Variants in SLC47A1 observed in about 807,000 individuals in gnomAD.
The protein encoded by SLC47A1 is multidrug and toxin extrusion protein 1.
Under a neutral mutation model 65.8 loss-of-function variants are expected in SLC47A1, and 58 were observed. The ratio of observed to expected loss-of-function variants is 0.88; its 90% CI spans 0.71 to 1.10. SLC47A1 has a LOEUF of 1.10. Ranked by LOEUF, SLC47A1 falls within the 50% of genes least tolerant of loss-of-function variation. SLC47A1 has a pLI of 0.00. For synonymous variants in SLC47A1, 285 were observed against 295.0 expected, an observed-to-expected ratio of 0.97 and a Z score of 0.35; for missense variants, 706 against 719.2, an observed-to-expected ratio of 0.98 and a Z score of 0.21.
chr17:19,540,468 C>T (rs1196617831), intron 1 of SLC47A1, among the ~76,000 whole-genome samples: 1 of 152,138 alleles, frequency 6.6e-6, no homozygotes, highest in Non-Finnish European at 1.5e-5. Context: ...ACCCTGTGGC[C>T]TTTAAAGATA....
At chr17:19,572,087 G>T (rs1305344028) in intron 15 of SLC47A1, among the ~76,000 whole-genome samples, 1 of 152,158 alleles carries the variant, frequency 6.6e-6, no homozygotes, top group South Asian at 2.1e-4. Flanking sequence ...CCTAGAGTTC[G>T]AGGCTGCAGT....
Position 19,533,869 on chromosome 17 carries a change from G to A in SLC47A1, c.-71G>A, listed in dbSNP as rs1056566375. On this transcript the variant is annotated 5_prime_UTR_variant, in exon 1 of 17. Coordinates refer to ENST00000270570, the MANE Select transcript of SLC47A1 (RefSeq NM_018242.3). Reference sequence around the variant, plus strand: ...CGCGGTACCCACTGCCGGCCTGCGCGGTACTCACTGCCGGCCTCCGCGGTA... The same window carrying A: ...CGCGGTACCCACTGCCGGCCTGCGCAGTACTCACTGCCGGCCTCCGCGGTA... The A allele has an allele frequency of 2.9e-6, 4 of 1,361,726 alleles. No homozygotes were observed. The highest frequency in any genetic ancestry group is 3.8e-6 in the Non-Finnish European group (4 of 1,052,256). 84.4% of individuals were successfully genotyped at this position (1,361,726 alleles called of 1,614,324 possible).
In SLC47A1 at chr17:19,555,873, G is replaced by A; in HGVS notation, c.817G>A (p.Glu273Lys). Reference sequence around the variant, plus strand: ...CCCCAGCATGCTCATGCTGTGCATGGAGTGGTGGGCCTATGAGGTCGGGAG... The same window carrying A: ...CCCCAGCATGCTCATGCTGTGCATGAAGTGGTGGGCCTATGAGGTCGGGAG... ...AIPSMLMLCM[E>K]WWAYEVGSFL... The change falls in exon 9 of 17, where the codon GAG becomes AAG. Residue 273 changes from glutamate to lysine, a missense_variant. Glu to Lys is a moderately conservative substitution (Grantham distance 56). Coordinates refer to ENST00000270570, the MANE Select transcript of SLC47A1 (RefSeq NM_018242.3). The A allele has an allele frequency of 1.2e-6, 2 of 1,613,988 alleles. No homozygotes were observed. Among genetic ancestry groups the A allele is most frequent in the Admixed American group, 1.7e-5 (1 of 60,030 alleles).
intron 12 of SLC47A1, among the ~76,000 whole-genome samples, chr17:19,563,612 G>A (rs2084332605): frequency 1.3e-5 from 2 of 152,122 alleles, no homozygotes; most frequent in African/African-American, 4.8e-5. Context: ...GCCAAAATCT[G>A]ACAAAGTTTG....
At chr17:19,574,643 G>T (rs2084424803) in intron 16 of SLC47A1, among the ~76,000 whole-genome samples, 1 of 152,098 alleles carries the variant, frequency 6.6e-6, no homozygotes, top group African/African-American at 2.4e-5. Flanking sequence ...ACTTATCCCT[G>T]TTGTTGTTTT....
intron 7 of SLC47A1, 66 bp from the exon 8 acceptor site, chr17:19,555,527 C>T (rs1343567917): frequency 2.0e-6 from 3 of 1,523,034 alleles, no homozygotes; most frequent in Admixed American, 1.7e-5. Context: ...GTCTCCCCTC[C>T]TCACTGAGTT....
chr17:19,552,383 C>A (rs1188084854), intron 6 of SLC47A1, among the ~76,000 whole-genome samples: 3 of 152,148 alleles, frequency 2.0e-5, no homozygotes, highest in Non-Finnish European at 4.4e-5. Flanking sequence ...ATTTAGAATC[C>A]CGATTAGCAT....
At position 19,555,179 on chromosome 17, in the gene SLC47A1, T is replaced by A. The variant is rs373496096; in HGVS notation, c.544-33T>A. ...CAGAAAGGCAGTCCTATTCTGTGGA[T>A]CTCAAGGATGGCATGCGGTGTCCTT... is the stretch of plus-strand genomic sequence containing the variant. On this transcript the variant is annotated intron_variant, in intron 6 of 16. Coordinates refer to ENST00000270570, the MANE Select transcript of SLC47A1 (RefSeq NM_018242.3). The A allele has an allele frequency of 7.8e-4, 1,251 of 1,594,100 alleles. 4 individuals carry two copies. Among genetic ancestry groups the A allele is most frequent in the Non-Finnish European group, 7.4e-4 (863 of 1,161,742 alleles).
At chr17:19,550,156 C>G (rs1424100108) in intron 5 of SLC47A1, among the ~76,000 whole-genome samples, 1 of 152,162 alleles carries the variant, frequency 6.6e-6, no homozygotes, top group Non-Finnish European at 1.5e-5. Flanking sequence ...GGGTCTCATT[C>G]CATCACCCAG....
intron 6 of SLC47A1, among the ~76,000 whole-genome samples, chr17:19,553,058 T>C (rs1235084968): frequency 6.6e-6 from 1 of 152,074 alleles, no homozygotes; most frequent in Non-Finnish European, 1.5e-5. Context: ...GCAGGGGTTG[T>C]TGGGCCCCCA....
chr17:19,572,014 T>A (rs2084403356), intron 15 of SLC47A1, among the ~76,000 whole-genome samples: 1 of 152,110 alleles, frequency 6.6e-6, no homozygotes, highest in Non-Finnish European at 1.5e-5. Flanking sequence ...TGAGTCGAGG[T>A]ACAGTGGCTT....
At chr17:19,538,305 C>T (rs1209247917) in intron 1 of SLC47A1, among the ~76,000 whole-genome samples, 1 of 152,346 alleles carries the variant, frequency 6.6e-6, no homozygotes, top group African/African-American at 2.4e-5. Context: ...ACCCAAAAAA[C>T]GCTGGCAACA....
At chr17:19,560,891 A>G (rs889428587) in intron 12 of SLC47A1, among the ~76,000 whole-genome samples, 3 of 151,376 alleles carry the variant, frequency 2.0e-5, no homozygotes, top group Non-Finnish European at 2.9e-5. Context: ...AAAAAAAAAA[A>G]AAAAGAAAGA....
In SLC47A1 at chr17:19,560,208, G is replaced by A; in HGVS notation, c.942G>A (p.Val314=). The change falls in exon 11 of 17, where the codon GTG becomes GTA. Residue 314 remains valine, a synonymous_variant. Coordinates refer to ENST00000270570, the MANE Select transcript of SLC47A1 (RefSeq NM_018242.3). ...TTTAGGTCCCTGCAGGCTTCAGTGT[G>A]GCTGCCAGTGTCCGGGTAGGAAACG... ...IVYMVPAGFS[V]AASVRVGNAL... 6.2e-7 allele frequency: 1 copy of A among 1,612,824 alleles called. No individual in the cohort carries two copies.
intron 12 of SLC47A1, among the ~76,000 whole-genome samples, chr17:19,565,659 C>T (rs1005328015): frequency 1.4e-5 from 2 of 147,858 alleles, no homozygotes; most frequent in African/African-American, 5.1e-5. Flanking sequence ...CAGCTCACTG[C>T]GAGCTCTGCC....
At chr17:19,541,549 C>G (rs1358861185) in intron 1 of SLC47A1, among the ~76,000 whole-genome samples, 1 of 152,166 alleles carries the variant, frequency 6.6e-6, no homozygotes, top group Admixed American at 6.5e-5. Flanking sequence ...AATTTGCCCT[C>G]ACATCTGAGG....
intron 10 of SLC47A1, chr17:19,557,897 CA>C (rs67441443): frequency 0.23 from 32,246 of 142,266 alleles, 3,435 homozygotes; most frequent in East Asian, 0.39. Flanking sequence ...ACTTTCCCTC[CA>C]AAAAAAAAAA....
chr17:19,555,892 T>A lies in SLC47A1; in HGVS notation c.836T>A (p.Val279Asp), dbSNP rs141572615. The A allele has an allele frequency of 1.6e-3, 2,610 of 1,613,886 alleles. 7 individuals carry two copies. The highest frequency in any genetic ancestry group is 2.1e-3 in the Non-Finnish European group (2,434 of 1,179,982). Reference protein sequence around the residue: ...MLCMEWWAYEVGSFLSGILGM... With the variant: ...MLCMEWWAYEDGSFLSGILGM... ...TGCATGGAGTGGTGGGCCTATGAGG[T>A]CGGGAGCTTCCTCAGTGGTCTGTAT... Residue 279 changes from valine to aspartate, a missense_variant, in exon 9 of 17, where the codon GTC (valine) becomes GAC (aspartate). Val to Asp is a radical substitution (Grantham distance 152). Transcript: ENST00000270570.
intron 6 of SLC47A1, 152 bp from the exon 7 acceptor site, chr17:19,555,060 A>G: frequency 1.5e-6 from 1 of 688,182 alleles, no homozygotes; most frequent in East Asian, 2.5e-5. Flanking sequence ...GAAAGGCAGG[A>G]GCAACAAGGA....
Sources: allele counts gnomAD v4.1 joint callset (sites outside exome capture counted in the v4.1 genomes callset), GRCh38; gene constraint gnomAD v4.1.1; transcripts MANE v1.5; gene names NCBI Gene and HGNC (gene_info 2026-07-23, HGNC 2026-07-21).